Variants in STAT6 observed in about 807,000 individuals in gnomAD.
The protein encoded by STAT6 is STAT, interleukin4-induced.
Under a neutral mutation model 106.3 loss-of-function variants are expected in STAT6, and 45 were observed. The observed-to-expected ratio is 0.42, with a 90% CI of 0.33 to 0.54. The LOEUF is 0.54. STAT6 is among the 20% of genes least tolerant of loss of function. The pLI, the probability that STAT6 is intolerant of heterozygous loss-of-function variation, is 0.06. For missense variants in STAT6, 797 were observed against 1,062.2 expected, an observed-to-expected ratio of 0.75 and a Z score of 3.47; for synonymous variants, 413 against 413.6, an observed-to-expected ratio of 1.00 and a Z score of 0.02.
chr12:57,104,125 C>A, intron 11 of STAT6: 1 of 289,532 alleles, frequency 3.5e-6, no homozygotes, highest in East Asian at 8.3e-5. Flanking sequence ...TCTCAATGTC[C>A]TTATCTATAA....
At position 57,106,729 on chromosome 12, in the gene STAT6, G is replaced by A; in HGVS notation, c.442C>T (p.Arg148Ter). Residue 148 changes from arginine to a stop codon, truncating the protein, a stop_gained, in exon 5 of 22, where the codon CGA (arginine) becomes TGA (stop). Coordinates refer to ENST00000300134, the MANE Select transcript of STAT6 (RefSeq NM_003153.5). LOFTEE classifies it high-confidence loss of function. Reference protein sequence around the residue: ...QHRVGEIHLLREALQKGAEAG... With the variant: ...QHRVGEIHLL ...TCAGCCCCCTTCTGCAGGGCTTCTC[G>A]GAGAAGGTGGATCTCCCCTACTCGG... 1 of 1,614,102 alleles carries A rather than the reference G, an allele frequency of 6.2e-7. No homozygotes were observed. The highest frequency in any genetic ancestry group is 8.5e-7 in the Non-Finnish European group (1 of 1,180,026).
At position 57,100,094 on chromosome 12, in the gene STAT6, G is replaced by A. The variant is rs1374172680; in HGVS notation, c.1513-4C>T. Reference sequence around the variant, plus strand: ...AGCCACGGCCCAGCAGGATCTCCTAGGGGGAGAGGGGGAAAGGTGTGAGCC... The same window carrying A: ...AGCCACGGCCCAGCAGGATCTCCTAAGGGGAGAGGGGGAAAGGTGTGAGCC... On this transcript the variant is annotated splice_polypyrimidine_tract_variant and splice_region_variant and intron_variant, in intron 13 of 21. Transcript: ENST00000300134. The A allele has an allele frequency of 1.3e-6, 2 of 1,587,104 alleles. No homozygotes were observed. Among genetic ancestry groups the A allele is most frequent in the South Asian group, 1.1e-5 (1 of 87,658 alleles).
intron 11 of STAT6, 24 bp downstream of exon 11, chr12:57,104,440 G>A: frequency 6.3e-7 from 1 of 1,596,992 alleles, no homozygotes; most frequent in Non-Finnish European, 8.5e-7. Context: ...TCCCAGATTG[G>A]GGCAGGGCTG....
At position 57,106,554 on chromosome 12, in the gene STAT6, G is replaced by T. The variant is rs2034288885; in HGVS notation, c.505C>A (p.Pro169Thr). The T allele has an allele frequency of 1.2e-6, 2 of 1,614,192 alleles. No individual in the cohort carries two copies. The highest frequency in any genetic ancestry group is 1.7e-6 in the Non-Finnish European group (2 of 1,180,032). Residue 169 changes from proline to threonine, a missense_variant, in exon 6 of 22, where the codon CCT becomes ACT. By Grantham distance (38) the Pro-to-Thr change is conservative (BLOSUM62 -1). This residue lies in a region of STAT6 where 336 missense variants were observed against 429.8 expected (regional missense o/e 0.78). Transcript: ENST00000300134. ...QVSLHSLIETPANGTGPSEAL... is the reference protein window; with the variant it reads ...QVSLHSLIETTANGTGPSEAL... ...TCACTTGGCCCAGTCCCATTAGCAG[G>T]AGTTTCTATCAAGCTGTGCAGAGAC...
rs1377957750 is a variant in STAT6 at position 57,099,261 on chromosome 12, A to T, written c.1891+33T>A. 2 of 1,613,350 alleles carry T rather than the reference A, an allele frequency of 1.2e-6. No individual in the cohort carries two copies. The highest frequency in any genetic ancestry group is 4.5e-5 in the East Asian group (2 of 44,872). On this transcript the variant is annotated intron_variant, in intron 16 of 21. Transcript: ENST00000300134. The surrounding 1 kb of genome is among the most constrained non-coding windows in gnomAD (Gnocchi z 4.7). ...GGGGAGCAGGGAGGAAGTGGGTGAC[A>T]GGAAGGAATCAGAGCTGCCAGTTCC...
rs1204382321 is a variant in STAT6, at chr12:57,102,460, A to G, written c.1342T>C (p.Trp448Arg). The stretch of plus-strand genomic sequence containing the variant: ...TTCAGAGTTTCACACATCTTCTCCC[A>G]GGGCACCCGCTCAGCCACCACAAAG... Reference protein sequence around the residue: ...VPFVVAERVPWEKMCETLNLK... With the variant: ...VPFVVAERVPREKMCETLNLK... Residue 448 changes from tryptophan (W) to arginine (R), a missense_variant, in exon 13 of 22, where the codon TGG (tryptophan) becomes CGG (arginine). Trp to Arg is a moderately radical substitution (Grantham distance 101, BLOSUM62 -3). This residue lies in a region of STAT6 where 222 missense variants were observed against 354.6 expected (regional missense o/e 0.63). Coordinates refer to ENST00000300134, the MANE Select transcript of STAT6 (RefSeq NM_003153.5). The G allele has an allele frequency of 6.2e-7, 1 of 1,613,862 alleles. No individual in the cohort carries two copies. The highest frequency in any genetic ancestry group is 8.5e-7 in the Non-Finnish European group (1 of 1,179,990).
At chr12:57,109,992 C>T (rs167769) in intron 1 of STAT6, 47,232 of 152,112 alleles carry the variant, frequency 0.31, 8,337 homozygotes, top group Non-Finnish European at 0.39. Context: ...CTTCTCTGGA[C>T]GTTTCTGCTC....
At chr12:57,104,705 C>T (rs1314958912) in intron 10 of STAT6, 21 bp downstream of exon 10, 2 of 1,614,104 alleles carry the variant, frequency 1.2e-6, no homozygotes, top group East Asian at 4.5e-5. Context: ...GCCCCCCTCA[C>T]TGCACCCCAA....
chr12:57,102,238 C>T (rs2033974404), intron 13 of STAT6, 52 bp downstream of exon 13: 1 of 1,580,656 alleles, frequency 6.3e-7, no homozygotes, highest in Non-Finnish European at 8.7e-7. Context: ...GCCCTGAGTG[C>T]CCCAGGGATG....
In STAT6 at chr12:57,105,461, G is replaced by A. The variant is rs745810169; in HGVS notation, c.812+7C>T. ...TCTAGGCCAGACTGGGAGCTCCCGG[G>A]GAATACCTGGTGACGAGGGTTCTCA... On this transcript the variant is annotated splice_region_variant and intron_variant, in intron 8 of 21. Transcript: ENST00000300134. The A allele has an allele frequency of 1.9e-6, 3 of 1,613,802 alleles. No homozygotes were observed. The highest frequency in any genetic ancestry group is 2.7e-5 in the African/African-American group (2 of 74,894).
Position 57,096,588 on chromosome 12 carries a change from G to A in STAT6, c.2528C>T (p.Ala843Val). 2 of 1,598,030 alleles carry A rather than the reference G, an allele frequency of 1.3e-6. No individual in the cohort carries two copies. The highest frequency in any genetic ancestry group is 1.1e-5 in the South Asian group (1 of 88,950). Reference protein sequence around the residue: ...GISMSHMDLRANPSW With the variant: ...GISMSHMDLRVNPSW The stretch of plus-strand genomic sequence containing the variant: ...CAGCTGGGATCACCAACTGGGGTTG[G>A]CCCTTAGGTCCATGTGGGACATTGA... The change falls in exon 22 of 22, where the codon GCC becomes GTC. Residue 843 changes from alanine (A) to valine (V), a missense_variant. Around this residue, in one of 4 missense-constraint regions of STAT6, gnomAD observed 226 missense variants for 236.7 expected, o/e 0.95. Transcript: ENST00000300134.
At position 57,107,406 on chromosome 12, in the gene STAT6, A is replaced by G. The variant is rs1050040305; in HGVS notation, c.256-92T>C. The G allele has an allele frequency of 5.9e-6, 8 of 1,366,122 alleles. No individual in the cohort carries two copies. In the African/African-American group the frequency reaches 1.2e-4, roughly 20 times the overall value. 84.6% of individuals were successfully genotyped at this position (1,366,122 alleles called of 1,614,324 possible). A position where few individuals can be genotyped will look rare whatever the true frequency, so the allele number is the denominator to read the frequency against. ...CCAGGCCTGCATTCACACATATACT[A>G]TAAGGAAGCACAACTGTAGACTCCA... On this transcript the variant is annotated intron_variant, in intron 3 of 21. Coordinates refer to ENST00000300134, the MANE Select transcript of STAT6 (RefSeq NM_003153.5).
At position 57,096,352 on chromosome 12, in the gene STAT6, G is replaced by A; in HGVS notation, c.*220C>T. 7.2e-6 allele frequency: 4 copies of A among 556,264 alleles called. No individual in the cohort carries two copies. The highest frequency in any genetic ancestry group is 7.2e-5 in the South Asian group (3 of 41,922). The allele number at this position is 556,264 out of a possible 1,614,324, so 34.5% of individuals were successfully genotyped here. On this transcript the variant is annotated 3_prime_UTR_variant, in exon 22 of 22. Transcript: ENST00000300134. Reference sequence around the variant, plus strand: ...AGCCTGAACTTCCCTTCCAGTCAGTGCTGGAAGGAGGTGGGCAGGGGAATG... The same window carrying A: ...AGCCTGAACTTCCCTTCCAGTCAGTACTGGAAGGAGGTGGGCAGGGGAATG...
intron 13 of STAT6, among the ~76,000 whole-genome samples, chr12:57,101,657 C>G (rs1409658856): frequency 6.7e-6 from 1 of 149,318 alleles, no homozygotes; most frequent in Non-Finnish European, 1.5e-5. Flanking sequence ...AACCACCATG[C>G]CTGGCCTTTT....
At chr12:57,100,282 A>G (rs138599099) in intron 13 of STAT6, among the ~76,000 whole-genome samples, 192 bp from the exon 14 acceptor site, 3 of 152,292 alleles carry the variant, frequency 2.0e-5, no homozygotes, top group East Asian at 1.9e-4. Context: ...AAGCCTTTCC[A>G]TATATTTATT....
In STAT6 at chr12:57,096,605, G is replaced by A. The variant is rs1413142846; in HGVS notation, c.2511C>T (p.Ser837=). The change falls in exon 22 of 22, where the codon TCC becomes TCT. Residue 837 remains serine (S), a synonymous_variant. Transcript: ENST00000300134. The part of the protein sequence containing the change: ...SHYGQSGISM[S]HMDLRANPSW ...TGGGGTTGGCCCTTAGGTCCATGTG[G>A]GACATTGAGATCCCAGATTGCCCAT... is the stretch of plus-strand genomic sequence containing the variant. 6.2e-7 allele frequency: 1 copy of A among 1,607,040 alleles called. No individual in the cohort carries two copies. Among genetic ancestry groups the A allele is most frequent in the East Asian group, 2.2e-5 (1 of 44,842 alleles).
At chr12:57,103,595 T>G (rs1308323350) in intron 11 of STAT6, 2 of 152,262 alleles carry the variant, frequency 1.3e-5, no homozygotes, top group Non-Finnish European at 2.9e-5. Flanking sequence ...TGAGACATAG[T>G]CTTGCTCTGT....
intron 13 of STAT6, chr12:57,100,698 A>AGAGAGAGAGAG (rs2033832124): frequency 3.0e-5 from 1 of 33,762 alleles, no homozygotes; most frequent in African/African-American, 1.7e-4. Flanking sequence ...GAAAGAAAGA[A>AGAGAGAGAGAG]AGAGAAAGAA....
intron 19 of STAT6, chr12:57,097,353 TG>T (rs1455114892): frequency 2.6e-6 from 1 of 387,448 alleles, no homozygotes; most frequent in Admixed American, 4.4e-5. Context: ...CTTTGGACTC[TG>T]AACTTTGGTA....
Sources: allele counts gnomAD v4.1 joint callset (sites outside exome capture counted in the v4.1 genomes callset), GRCh38; gene constraint gnomAD v4.1.1; regional missense constraint gnomAD v4.1.1; non-coding constraint Gnocchi (gnomAD v3.1); transcripts MANE v1.5; gene names NCBI Gene and HGNC (gene_info 2026-07-23, HGNC 2026-07-21).